The following DCAF8L2 variants were observed in gnomAD, a reference collection of about 807,000 sequenced individuals.
DCAF8L2 encodes DDB1- and CUL4-associated factor 8-like protein 2.
For missense variants in DCAF8L2, 430 were observed against 490.7 expected (o/e 0.88, Z 1.17); for synonymous variants, 200 against 190.9 (o/e 1.05, Z -0.39).
the DCAF8L2 span, among the ~76,000 whole-genome samples, chrX:27,552,778 A>G: frequency 8.9e-6 from 1 of 111,786 alleles, no homozygotes; most frequent in Non-Finnish European, 1.9e-5. Flanking sequence ...TGGCTATTCA[A>G]GGCCATATAA....
chrX:27,572,806 G>A, the DCAF8L2 span, among the ~76,000 whole-genome samples: 731 of 111,377 alleles, frequency 6.6e-3, 3 homozygotes, highest in African/African-American at 0.022. Flanking sequence ...TTCTTTCTCC[G>A]TGGCTTGTCT....
intron 4 of DCAF8L2, among the ~76,000 whole-genome samples, chrX:27,725,262 T>C: frequency 9.0e-6 from 1 of 110,805 alleles, no homozygotes; most frequent in Non-Finnish European, 1.9e-5. Context: ...TGGTCATATT[T>C]AGGAAAACAA....
chrX:27,613,470 C>A (rs1927292148), intron 1 of DCAF8L2, among the ~76,000 whole-genome samples: 1 of 111,091 alleles, frequency 9.0e-6, no homozygotes, highest in South Asian at 3.8e-4. Flanking sequence ...TTGCCCTGGC[C>A]AGAACTTCCA....
At chrX:27,539,161 T>C in the DCAF8L2 span, among the ~76,000 whole-genome samples, 2 of 112,235 alleles carry the variant, frequency 1.8e-5, no homozygotes, top group Non-Finnish European at 3.8e-5. Flanking sequence ...CAGTGACTTT[T>C]GTACTACCCA....
At chrX:27,478,363 G>T in the DCAF8L2 span, among the ~76,000 whole-genome samples, 1 of 112,162 alleles carries the variant, frequency 8.9e-6, no homozygotes, top group Non-Finnish European at 1.9e-5. Context: ...AGAAGAAAAA[G>T]TTGACTTTCA....
At position 27,711,198 on chromosome X, in the gene DCAF8L2, A is replaced by G. The variant is rs759940224; in HGVS notation, c.-142-4890A>G. Among the ~76,000 whole-genome samples the G allele has an allele frequency of 5.4e-5, 6 of 110,808 alleles. No homozygotes were observed. In the South Asian group the frequency reaches 2.3e-3, roughly 42 times the overall value. ...TAGTCAGGTTGTATTATTATTTTATATATGGTGGACTTAGATTCAGTAACA... is the reference window on the plus strand; with the variant it reads ...TAGTCAGGTTGTATTATTATTTTATGTATGGTGGACTTAGATTCAGTAACA... On this transcript the variant is annotated intron_variant, in intron 3 of 4. Coordinates refer to ENST00000451261, the MANE Select transcript of DCAF8L2 (RefSeq NM_001353450.2).
At chrX:27,519,334 C>T in the DCAF8L2 span, 2 of 1,131,255 alleles carry the variant, frequency 1.8e-6, no homozygotes, top group Admixed American at 2.2e-5. Flanking sequence ...AAAGGAGCGT[C>T]GAGCTGCTGA....
At chrX:27,717,157 G>A (rs180719981) in intron 4 of DCAF8L2, among the ~76,000 whole-genome samples, 51 of 112,304 alleles carry the variant, frequency 4.5e-4, no homozygotes, top group African/African-American at 1.5e-3. Flanking sequence ...GGTTGATTCC[G>A]TGTCCTTGCT....
chrX:27,725,951 G>A lies in DCAF8L2; in HGVS notation c.-59+9780G>A, dbSNP rs1932056611. Among the ~76,000 whole-genome samples, 3 of 111,241 alleles carry A rather than the reference G, an allele frequency of 2.7e-5. No individual in the cohort carries two copies. The South Asian group carries it at 1.1e-3, about 40-fold the overall frequency. On this transcript the variant is annotated intron_variant, in intron 4 of 4. Transcript: ENST00000451261. The stretch of plus-strand genomic sequence containing the variant: ...TTTCAATTTATTTTCTGACAATAAT[G>A]TAGCTATCTTTGAAAAGAACAAGAG...
chrX:27,692,245 G>A (rs1930738424), intron 3 of DCAF8L2, among the ~76,000 whole-genome samples: 1 of 111,483 alleles, frequency 9.0e-6, no homozygotes, highest in Non-Finnish European at 1.9e-5. Context: ...GCTTCTTGGA[G>A]ATATGTACTT....
intron 3 of DCAF8L2, among the ~76,000 whole-genome samples, chrX:27,701,526 A>G (rs1382873191): frequency 2.7e-5 from 3 of 111,354 alleles, no homozygotes; most frequent in African/African-American, 6.5e-5. Context: ...ATGATCTCTT[A>G]CTAAAAAAGA....
chrX:27,699,641 T>C (rs757830576), intron 3 of DCAF8L2, among the ~76,000 whole-genome samples: 9 of 111,343 alleles, frequency 8.1e-5, no homozygotes, highest in Non-Finnish European at 1.3e-4. Context: ...GTAGTGAGTT[T>C]CTGAAGTGTT....
At chrX:27,655,603 CTAT>C (rs932048300) in intron 2 of DCAF8L2, among the ~76,000 whole-genome samples, 1 of 111,671 alleles carries the variant, frequency 9.0e-6, no homozygotes, top group Non-Finnish European at 1.9e-5. Flanking sequence ...GATTGTTAAA[CTAT>C]TATTATTATT....
the DCAF8L2 span, among the ~76,000 whole-genome samples, chrX:27,579,857 T>G: frequency 9.1e-6 from 1 of 109,551 alleles, no homozygotes; most frequent in South Asian, 3.8e-4. Flanking sequence ...AGCAGTGCCC[T>G]CTTCTCACTA....
chrX:27,625,816 C>T (rs748122516), intron 1 of DCAF8L2, among the ~76,000 whole-genome samples: 48 of 110,815 alleles, frequency 4.3e-4, no homozygotes, highest in Admixed American at 2.0e-3. Context: ...ACTGAGTACA[C>T]ATGAACACAA....
the DCAF8L2 span, among the ~76,000 whole-genome samples, chrX:27,496,112 T>C: frequency 2.3e-4 from 26 of 111,694 alleles, no homozygotes; most frequent in East Asian, 4.5e-3. Flanking sequence ...GTTTTCAGTG[T>C]ACAAGTCTTC....
At chrX:27,480,918 C>T in the DCAF8L2 span, among the ~76,000 whole-genome samples, 3 of 111,769 alleles carry the variant, frequency 2.7e-5, no homozygotes, top group African/African-American at 9.8e-5. Context: ...TTAACTAAGT[C>T]AAAATGTGGT....
At chrX:27,610,888 A>C (rs184176983) in intron 1 of DCAF8L2, among the ~76,000 whole-genome samples, 46 of 112,551 alleles carry the variant, frequency 4.1e-4, no homozygotes, top group Admixed American at 1.0e-3. Context: ...TCATTGTTAG[A>C]GCAGATTAAT....
chrX:27,542,048 A>G, the DCAF8L2 span, among the ~76,000 whole-genome samples: 3 of 99,929 alleles, frequency 3.0e-5, no homozygotes, highest in African/African-American at 1.1e-4. Flanking sequence ...ATGGTTGCAT[A>G]GTATTCCATA....
Sources: allele counts gnomAD v4.1 joint callset (sites outside exome capture counted in the v4.1 genomes callset), GRCh38; gene constraint gnomAD v4.1.1; transcripts MANE v1.5; gene names NCBI Gene and HGNC (gene_info 2026-07-23, HGNC 2026-07-21).